The following CCDC110 variants were observed in gnomAD, a reference collection of about 807,000 sequenced individuals.
The protein encoded by CCDC110 is coiled-coil domain-containing protein 110.
Under a neutral mutation model 77.1 loss-of-function variants are expected in CCDC110, and 70 were observed. The observed-to-expected ratio is 0.91, with a 90% CI of 0.75 to 1.11. CCDC110 has a LOEUF of 1.11. Among genes scored for constraint, CCDC110 ranks in the 50% least tolerant of loss-of-function variants. The probability of loss-of-function intolerance (pLI) is 0.00; values close to 1 mark genes in which losing one functional copy is unlikely to be tolerated. For synonymous variants in CCDC110, 295 were observed against 312.5 expected (o/e 0.94, Z 0.59); for missense variants, 868 against 942.9 (o/e 0.92, Z 1.04).
chr4:185,449,526 A>AAC, intron 6 of CCDC110: 1 of 1,077,030 alleles, frequency 9.3e-7, no homozygotes, highest in Non-Finnish European at 1.3e-6. Context: ...CGGTCTTAAA[A>AAC]AAAAAAAAGA....
At chr4:185,466,237 T>G (rs2095655635) in intron 2 of CCDC110, among the ~76,000 whole-genome samples, 1 of 151,948 alleles carries the variant, frequency 6.6e-6, no homozygotes, top group South Asian at 2.1e-4. Context: ...TTGCTGGGTG[T>G]GGTGGCATGT....
At chr4:185,462,314 G>A (rs1467995308) in intron 4 of CCDC110, among the ~76,000 whole-genome samples, 2 of 152,142 alleles carry the variant, frequency 1.3e-5, no homozygotes, top group African/African-American at 4.8e-5. Context: ...ATTTACTTGA[G>A]CTATTAAAGT....
At chr4:185,447,281 A>C (rs2095615535) in intron 6 of CCDC110, among the ~76,000 whole-genome samples, 1 of 151,540 alleles carries the variant, frequency 6.6e-6, no homozygotes, top group African/African-American at 2.4e-5. Flanking sequence ...TGCCGGGTTC[A>C]CGCCATTCTC....
At chr4:185,466,694 G>A (rs115779723) in intron 2 of CCDC110, among the ~76,000 whole-genome samples, 1,703 of 152,062 alleles carry the variant, frequency 0.011, 35 homozygotes, top group African/African-American at 0.038. Context: ...GTCAGCCTCC[G>A]GAGTAGCTGG....
chr4:185,464,504 A>G (rs976644979), intron 2 of CCDC110, among the ~76,000 whole-genome samples: 12 of 152,172 alleles, frequency 7.9e-5, no homozygotes, highest in African/African-American at 2.9e-4. Flanking sequence ...GGTATCCTGA[A>G]CTGTTCATCT....
rs183518645 is a variant in CCDC110 at position 185,464,664 on chromosome 4, C to T, written c.116-1615G>A. ...CCACCTAGAATCCTGCCACCCACAA[C>T]GAACTGTTGTTAATTTTAGGTGCCA... On this transcript the variant is annotated intron_variant, in intron 2 of 6. Transcript: ENST00000307588. Among the ~76,000 whole-genome samples, 56 of 152,240 alleles carry T rather than the reference C, an allele frequency of 3.7e-4. No homozygotes were observed. The East Asian group carries it at 5.8e-3, about 16-fold the overall frequency.
Position 185,445,371 on chromosome 4 carries a change from A to G in CCDC110, c.*131T>C. On this transcript the variant is annotated 3_prime_UTR_variant, in exon 7 of 7. Coordinates refer to ENST00000307588, the MANE Select transcript of CCDC110 (RefSeq NM_152775.4). ...ATCTGCACCAAACCATTCTGTGCAT[A>G]ATTTTTAAAGCAAATATATAGCGCC... 5.0e-6 allele frequency: 4 copies of G among 801,044 alleles called. No individual in the cohort carries two copies. In the Admixed American group the frequency reaches 1.0e-4, roughly 20 times the overall value. 49.6% of individuals were successfully genotyped at this position (801,044 alleles called of 1,614,324 possible).
At chr4:185,467,844 T>C (rs903611776) in intron 2 of CCDC110, among the ~76,000 whole-genome samples, 8 of 152,172 alleles carry the variant, frequency 5.3e-5, no homozygotes, top group African/African-American at 1.7e-4. Context: ...TTTCTTCTCA[T>C]TGCAACCTCT....
At chr4:185,449,718 A>C (rs2095625904) in intron 6 of CCDC110, 3 of 1,046,208 alleles carry the variant, frequency 2.9e-6, no homozygotes, top group Admixed American at 6.3e-5. Context: ...ATTTGAAAAA[A>C]TATAAGATGT....
intron 6 of CCDC110, chr4:185,449,569 T>C (rs1227430586): frequency 6.9e-7 from 1 of 1,448,706 alleles, no homozygotes; most frequent in South Asian, 1.3e-5. Context: ...CCTATAAAAT[T>C]AATGTGTGTT....
chr4:185,470,890 A>G, intron 2 of CCDC110, 55 bp downstream of exon 2: 8 of 1,274,266 alleles, frequency 6.3e-6, no homozygotes, highest in Non-Finnish European at 9.2e-6. Flanking sequence ...GGCACAGGCC[A>G]GATGCTGCCG....
intron 6 of CCDC110, among the ~76,000 whole-genome samples, chr4:185,449,036 C>A (rs1013573655): frequency 6.6e-6 from 1 of 152,026 alleles, no homozygotes; most frequent in Non-Finnish European, 1.5e-5. Context: ...ATTTTAAAAC[C>A]AGTAAACCTT....
chr4:185,470,019 G>GC (rs1336413360), intron 2 of CCDC110, among the ~76,000 whole-genome samples: 5 of 152,128 alleles, frequency 3.3e-5, no homozygotes, highest in African/African-American at 4.8e-5. Flanking sequence ...CCTCTGAGAG[G>GC]CGTGTAGTCA....
chr4:185,455,096 T>A (rs1378227794), intron 6 of CCDC110, among the ~76,000 whole-genome samples: 10 of 152,208 alleles, frequency 6.6e-5, no homozygotes, highest in Admixed American at 6.5e-4. Context: ...ACACTGGGAT[T>A]CAGCAGTAAA....
intron 2 of CCDC110, among the ~76,000 whole-genome samples, chr4:185,464,367 G>A (rs2153323261): frequency 6.6e-6 from 1 of 152,234 alleles, no homozygotes; most frequent in South Asian, 2.1e-4. Flanking sequence ...AGAGGGTGGG[G>A]AGGGAGAGCG....
chr4:185,458,413 T>C lies in CCDC110; in HGVS notation c.2174A>G (p.His725Arg), dbSNP rs144676814. The C allele has an allele frequency of 4.2e-4, 665 of 1,596,356 alleles. No homozygotes were observed. Among genetic ancestry groups the C allele is most frequent in the Non-Finnish European group, 5.2e-4 (611 of 1,172,850 alleles). Residue 725 changes from histidine (H) to arginine (R), a missense_variant, in exon 6 of 7, where the codon CAT becomes CGT. Coordinates refer to ENST00000307588, the MANE Select transcript of CCDC110 (RefSeq NM_152775.4). Reference sequence around the variant, plus strand: ...TTCAAATTTTATATTTTCTTGACTATGTTTCTTTAGTTCTTCTTTTAGAAT... The same window carrying C: ...TTCAAATTTTATATTTTCTTGACTACGTTTCTTTAGTTCTTCTTTTAGAAT... ...NQILKEELKK[H>R]SQENIKFENS...
chr4:185,470,391 C>T (rs1367994928), intron 2 of CCDC110, among the ~76,000 whole-genome samples: 3 of 152,116 alleles, frequency 2.0e-5, no homozygotes, highest in Admixed American at 6.5e-5. Context: ...AATGTAAATG[C>T]TATGTAAATG....
chr4:185,459,544 A>T lies in CCDC110; in HGVS notation c.1043T>A (p.Met348Lys). Reference protein sequence around the residue: ...RKCKKLSKSEMHRGKKNEKNN... With the variant: ...RKCKKLSKSEKHRGKKNEKNN... ...TTTCTCATTTTTCTTTCCCCTGTGCATTTCACTCTTAGATAACTTTTTACA... is the reference window on the plus strand; with the variant it reads ...TTTCTCATTTTTCTTTCCCCTGTGCTTTTCACTCTTAGATAACTTTTTACA... Residue 348 changes from methionine to lysine, a missense_variant, in exon 6 of 7, where the codon ATG becomes AAG. Physicochemically the swap from Met to Lys is moderately conservative, Grantham distance 95. Transcript: ENST00000307588. 2.5e-6 allele frequency: 4 copies of T among 1,613,080 alleles called. No homozygotes were observed. Among genetic ancestry groups the T allele is most frequent in the Non-Finnish European group, 3.4e-6 (4 of 1,179,492 alleles).
Position 185,460,990 on chromosome 4 carries a change from G to A in CCDC110, c.348+59C>T, listed in dbSNP as rs1480632243. 6.6e-6 allele frequency: 2 copies of A among 300,882 alleles called. 1 individual carries two copies. Among genetic ancestry groups the A allele is most frequent in the Non-Finnish European group, 1.3e-5 (2 of 149,602 alleles). The allele number at this position is 300,882 out of a possible 1,614,324, so 18.6% of individuals were successfully genotyped here. On this transcript the variant is annotated intron_variant, in intron 5 of 6. Transcript: ENST00000307588. ...AGGACCATGTAAAGTGAAATGAACT[G>A]ATGGTAGTCACGTTTTGAAGTACCT...
Sources: allele counts gnomAD v4.1 joint callset (sites outside exome capture counted in the v4.1 genomes callset), GRCh38; gene constraint gnomAD v4.1.1; transcripts MANE v1.5; gene names NCBI Gene and HGNC (gene_info 2026-07-23, HGNC 2026-07-21).